MGAM2: variants seen among roughly 807,000 people sequenced by gnomAD.
MGAM2 encodes maltase-glucoamylase 2 (putative), also known as probable maltase-glucoamylase 2.
MGAM2 carries 98 observed loss-of-function variants against 96.1 expected under a neutral mutation model. The ratio of observed to expected loss-of-function variants is 1.02; its 90% CI spans 0.87 to 1.21. MGAM2 has a LOEUF of 1.21. Ranked by LOEUF, MGAM2 falls within the 50% of genes most tolerant of loss-of-function variation. The pLI is 0.00. For missense variants in MGAM2, 2,055 were observed against 1,182.4 expected (o/e 1.74, Z -10.82); for synonymous variants, 749 against 414.8 (o/e 1.81, Z -9.79).
intron 26 of MGAM2, among the ~76,000 whole-genome samples, chr7:142,168,633 C>T (rs1796100194): frequency 6.6e-6 from 1 of 152,078 alleles, no homozygotes; most frequent in African/African-American, 2.4e-5. Context: ...AGAGACCAAA[C>T]TTTGAGATCT....
At chr7:142,182,975 G>C (rs956164435) in intron 32 of MGAM2, among the ~76,000 whole-genome samples, 2 of 152,070 alleles carry the variant, frequency 1.3e-5, no homozygotes, top group East Asian at 3.9e-4. Flanking sequence ...AGTATAGAAA[G>C]GCTCCTTCAT....
At position 142,173,641 on chromosome 7, in the gene MGAM2, T is replaced by TACCAAACAAGTTTC. The variant is rs1796272969; in HGVS notation, c.3687+291_3687+304dup. ...TTGGCTTATGCACAAGTCTCTGTTT[T>TACCAAACAAGTTTC]ACCAAACAAGTTTCACCTAGGGTCA... On this transcript the variant is annotated intron_variant, in intron 31 of 47. Coordinates refer to ENST00000477922, the MANE Select transcript of MGAM2 (RefSeq NM_001293626.2). Among the ~76,000 whole-genome samples the TACCAAACAAGTTTC allele has an allele frequency of 1.3e-5, 2 of 152,246 alleles. 1 individual carries two copies. Among genetic ancestry groups the TACCAAACAAGTTTC allele is most frequent in the South Asian group, 4.1e-4 (2 of 4,836 alleles).
chr7:142,135,927 C>T (rs1057251257), intron 7 of MGAM2, among the ~76,000 whole-genome samples: 1 of 151,870 alleles, frequency 6.6e-6, no homozygotes, highest in African/African-American at 2.4e-5. Context: ...CTCATAATAC[C>T]ATCACTTTCT....
At chr7:142,166,917 G>A (rs1456327122) in intron 25 of MGAM2, among the ~76,000 whole-genome samples, 33 of 152,112 alleles carry the variant, frequency 2.2e-4, no homozygotes, top group Admixed American at 1.9e-3. Flanking sequence ...GACCTTGAGG[G>A]TATTTCTTTG....
rs1797826816 is a variant in MGAM2 at position 142,218,369 on chromosome 7, G to T, written c.5196G>T (p.Leu1732=). Residue 1732 remains leucine, a synonymous_variant, in exon 47 of 48, where the codon CTG becomes CTT. Transcript: ENST00000477922. ...TTATAAATTCTTTATAGAACATCCT[G>T]CAAATCCAGACCATACACAATAAGT... The part of the protein sequence containing the change: ...LANFIAAQNI[L]QIQTIHNKYL... 1.5e-6 allele frequency: 1 copy of T among 684,346 alleles called. No individual in the cohort carries two copies. Among genetic ancestry groups the T allele is most frequent in the Admixed American group, 2.1e-5 (1 of 47,200 alleles). The allele number at this position is 684,346 out of a possible 1,614,324, so 42.4% of individuals were successfully genotyped here.
intron 2 of MGAM2, among the ~76,000 whole-genome samples, chr7:142,119,937 A>G (rs762909398): frequency 6.6e-6 from 1 of 152,204 alleles, no homozygotes; most frequent in African/African-American, 2.4e-5. Flanking sequence ...AGTGTATGTT[A>G]TTTCTTTTTG....
rs71727326 is a variant in MGAM2, at chr7:142,168,271, CTT to C, written c.3027+799_3027+800del. On this transcript the variant is annotated intron_variant, in intron 26 of 47. Transcript: ENST00000477922. Reference sequence around the variant, plus strand: ...CTAGCCTGAGGATTTGCATTTCTTTCTTTTTTTTTTTTTTTGAGACAGAGTTT... The same window carrying C: ...CTAGCCTGAGGATTTGCATTTCTTTCTTTTTTTTTTTTTGAGACAGAGTTT... Among the ~76,000 whole-genome samples, 413 of 140,762 alleles carry C rather than the reference CTT, an allele frequency of 2.9e-3. 1 individual carries two copies. The highest frequency in any genetic ancestry group is 9.2e-3 in the African/African-American group (356 of 38,628). 92.3% of individuals were successfully genotyped at this position (140,762 alleles called of 152,430 possible).
intron 8 of MGAM2, among the ~76,000 whole-genome samples, chr7:142,137,185 A>G (rs933686915): frequency 9.9e-5 from 15 of 151,466 alleles, no homozygotes; most frequent in Non-Finnish European, 2.2e-4. Flanking sequence ...TTATGTGGCC[A>G]GGTTAAAATA....
At chr7:142,166,872 G>T (rs1207788674) in intron 25 of MGAM2, among the ~76,000 whole-genome samples, 4 of 152,188 alleles carry the variant, frequency 2.6e-5, no homozygotes, top group Non-Finnish European at 5.9e-5. Flanking sequence ...TCTAGAAGTG[G>T]GATCATGGTG....
intron 1 of MGAM2, among the ~76,000 whole-genome samples, chr7:142,115,585 C>G (rs1363288009): frequency 6.6e-5 from 10 of 151,696 alleles, no homozygotes; most frequent in Admixed American, 6.6e-4. Flanking sequence ...GTGGCTCATG[C>G]CTGTAATCCC....
chr7:142,205,910 T>C (rs1331928387), intron 45 of MGAM2, among the ~76,000 whole-genome samples: 1 of 152,210 alleles, frequency 6.6e-6, no homozygotes, highest in Admixed American at 6.5e-5. Context: ...CTAAGAGTTT[T>C]ATAGTTTTAG....
At chr7:142,132,683 T>G (rs1351914144) in intron 6 of MGAM2, among the ~76,000 whole-genome samples, 1 of 126,794 alleles carries the variant, frequency 7.9e-6, no homozygotes, top group Non-Finnish European at 1.5e-5. Context: ...TTAATTATAA[T>G]ATAATTAATA....
chr7:142,219,467 A>G lies in MGAM2; in HGVS notation c.5359-403A>G, dbSNP rs546226784. On this transcript the variant is annotated intron_variant, in intron 47 of 47. Coordinates refer to ENST00000477922, the MANE Select transcript of MGAM2 (RefSeq NM_001293626.2). ...TGAATACCTTCTTTTTAAAAACTCT[A>G]TGGCATATCTGATGCCTATTATGTG... Among the ~76,000 whole-genome samples, 11 of 152,312 alleles carry G rather than the reference A, an allele frequency of 7.2e-5. No homozygotes were observed. In the East Asian group the frequency reaches 9.7e-4, roughly 13 times the overall value.
chr7:142,123,532 C>T (rs927713129), intron 3 of MGAM2, among the ~76,000 whole-genome samples: 2 of 152,278 alleles, frequency 1.3e-5, no homozygotes, highest in Non-Finnish European at 1.5e-5. Context: ...TTTCTCATGA[C>T]TAATAAGGTT....
intron 1 of MGAM2, among the ~76,000 whole-genome samples, chr7:142,113,684 G>C (rs1300430432): frequency 6.6e-6 from 1 of 152,086 alleles, no homozygotes; most frequent in African/African-American, 2.4e-5. Context: ...CATCCAATAG[G>C]CAGTTGAATA....
chr7:142,140,293 G>A (rs1395178541), intron 10 of MGAM2, among the ~76,000 whole-genome samples: 2 of 152,062 alleles, frequency 1.3e-5, no homozygotes, highest in Non-Finnish European at 2.9e-5. Flanking sequence ...GCAAACACAA[G>A]GAAAAATGTG....
At chr7:142,178,047 A>G (rs1312232986) in intron 32 of MGAM2, among the ~76,000 whole-genome samples, 4 of 152,134 alleles carry the variant, frequency 2.6e-5, no homozygotes, top group Non-Finnish European at 5.9e-5. Flanking sequence ...TGACTTTCCA[A>G]CAAAAGCCAT....
chr7:142,215,547 G>A (rs918694872), intron 46 of MGAM2, among the ~76,000 whole-genome samples: 17 of 151,414 alleles, frequency 1.1e-4, no homozygotes, highest in Non-Finnish European at 2.9e-5. Context: ...GATCACCTGA[G>A]GTCGGGAGTT....
At chr7:142,114,178 G>GAAAGAAAGAA (rs1817291587) in intron 1 of MGAM2, among the ~76,000 whole-genome samples, 1 of 124,870 alleles carries the variant, frequency 8.0e-6, no homozygotes, top group African/African-American at 3.5e-5. Flanking sequence ...AAGAAAGAAA[G>GAAAGAAAGAA]AAAGAAAGAA....
Sources: gnomAD v4.1 joint callset for allele counts (sites outside exome capture counted in the v4.1 genomes callset) on GRCh38, gnomAD v4.1.1 for gene constraint, MANE v1.5 for transcripts, NCBI Gene and HGNC (gene_info 2026-07-23, HGNC 2026-07-21) for gene names.